Variants in CLCN3 observed in about 807,000 individuals in gnomAD.
CLCN3 encodes Cl-/H+ antiporter 3, also known as H(+)/Cl(-) exchange transporter 3.
A neutral mutation model predicts 83.4 loss-of-function variants in CLCN3; 16 were observed. The ratio of observed to expected loss-of-function variants is 0.19; its 90% confidence interval spans 0.13 to 0.29. The LOEUF (loss-of-function observed/expected upper bound fraction) is 0.29, where lower values mean the gene tolerates loss of function less well. Ranked by LOEUF, CLCN3 falls within the 10% of genes least tolerant of loss-of-function variation. The pLI is 1.00. For missense variants in CLCN3, 544 were observed against 1,006.0 expected (o/e 0.54, Z 6.21); for synonymous variants, 322 against 346.2 (o/e 0.93, Z 0.78).
chr4:169,658,267 A>G (rs1340349152), intron 2 of CLCN3, among the ~76,000 whole-genome samples: 1 of 151,644 alleles, frequency 6.6e-6, no homozygotes, highest in African/African-American at 2.4e-5. Context: ...ACAATTGTTT[A>G]TCTTTAAAAA....
At chr4:169,631,282 C>CT (rs1467952137) in intron 1 of CLCN3, among the ~76,000 whole-genome samples, 1 of 151,776 alleles carries the variant, frequency 6.6e-6, no homozygotes, top group Admixed American at 6.6e-5. Context: ...TCCTTGCCTA[C>CT]TTTTTTTGTT....
intron 2 of CLCN3, among the ~76,000 whole-genome samples, chr4:169,648,915 T>G (rs1412966170): frequency 1.3e-5 from 2 of 151,708 alleles, no homozygotes; most frequent in African/African-American, 4.8e-5. Context: ...TAATCCCAGC[T>G]ACTCGGGAGA....
At chr4:169,680,261 A>G (rs1731885026) in intron 3 of CLCN3, 54 bp downstream of exon 3, 2 of 1,282,246 alleles carry the variant, frequency 1.6e-6, no homozygotes, top group Non-Finnish European at 2.2e-6. Context: ...TAGATCTTTT[A>G]ATAATATATT....
chr4:169,666,633 G>A (rs1731254540), intron 2 of CLCN3, among the ~76,000 whole-genome samples: 1 of 152,160 alleles, frequency 6.6e-6, no homozygotes, highest in South Asian at 2.1e-4. Flanking sequence ...TTTGGGAGAA[G>A]GCATCACGTA....
At position 169,636,152 on chromosome 4, in the gene CLCN3, AT is replaced by A. The variant is rs1773496404; in HGVS notation, c.160+68del. 2.2e-6 allele frequency: 3 copies of A among 1,371,012 alleles called. No individual in the cohort carries two copies. The Admixed American group carries it at 7.0e-5, about 32-fold the overall frequency. 84.9% of individuals were successfully genotyped at this position (1,371,012 alleles called of 1,614,324 possible). ...ATATCCACTAATAAATATGTACACTATTTTATTGAGGTTGAATTTTTCAGTA... is the reference window on the plus strand; with the variant it reads ...ATATCCACTAATAAATATGTACACTATTTATTGAGGTTGAATTTTTCAGTA... On this transcript the variant is annotated intron_variant, in intron 2 of 12. Transcript: ENST00000513761.
At chr4:169,633,045 C>T (rs980806352) in intron 1 of CLCN3, among the ~76,000 whole-genome samples, 5 of 152,180 alleles carry the variant, frequency 3.3e-5, no homozygotes, top group African/African-American at 1.2e-4. Context: ...CAGAGTCTCA[C>T]TCTGTTTCCC....
intron 12 of CLCN3, among the ~76,000 whole-genome samples, chr4:169,719,290 C>T (rs1362512699): frequency 6.6e-6 from 1 of 152,116 alleles, no homozygotes; most frequent in Admixed American, 6.6e-5. Context: ...CATGGTGAAA[C>T]CCTGTCTCTA....
chr4:169,688,424 C>T (rs1732242342), intron 4 of CLCN3, among the ~76,000 whole-genome samples: 1 of 152,124 alleles, frequency 6.6e-6, no homozygotes, highest in South Asian at 2.1e-4. Flanking sequence ...AGATTATGTT[C>T]AGAAGACCAT....
At chr4:169,693,741 A>G (rs1732457176) in intron 7 of CLCN3, among the ~76,000 whole-genome samples, 1 of 152,206 alleles carries the variant, frequency 6.6e-6, no homozygotes, top group Non-Finnish European at 1.5e-5. Context: ...ATTTTTTGGT[A>G]AGACTTTTAC....
intron 1 of CLCN3, among the ~76,000 whole-genome samples, chr4:169,631,017 T>C (rs987522563): frequency 1.3e-5 from 2 of 152,240 alleles, no homozygotes; most frequent in Non-Finnish European, 2.9e-5. Flanking sequence ...TGTTTTAAGT[T>C]CTTTGATAAA....
intron 2 of CLCN3, among the ~76,000 whole-genome samples, chr4:169,656,280 G>A (rs975676591): frequency 3.3e-5 from 5 of 152,176 alleles, no homozygotes; most frequent in Admixed American, 6.5e-5. Flanking sequence ...GAAGCATAGC[G>A]TCTTCTGGGG....
At chr4:169,631,885 C>T (rs1285677882) in intron 1 of CLCN3, among the ~76,000 whole-genome samples, 1 of 152,144 alleles carries the variant, frequency 6.6e-6, no homozygotes, top group African/African-American at 2.4e-5. Flanking sequence ...AATTGAAATC[C>T]TGAACAGACC....
At chr4:169,660,904 G>A (rs763657318) in intron 2 of CLCN3, among the ~76,000 whole-genome samples, 4 of 152,198 alleles carry the variant, frequency 2.6e-5, no homozygotes, top group South Asian at 2.1e-4. Flanking sequence ...TAAATTTATA[G>A]CAAAAGCTTT....
At chr4:169,671,895 G>A (rs966553490) in intron 2 of CLCN3, among the ~76,000 whole-genome samples, 28 of 152,120 alleles carry the variant, frequency 1.8e-4, no homozygotes, top group African/African-American at 6.8e-4. Flanking sequence ...GCTGATCCAA[G>A]GCAAATCCTG....
intron 2 of CLCN3, among the ~76,000 whole-genome samples, chr4:169,647,314 T>A (rs1442953104): frequency 1.3e-5 from 2 of 152,024 alleles, no homozygotes; most frequent in Non-Finnish European, 2.9e-5. Flanking sequence ...CACTTGAGCC[T>A]GGGGAGGTCA....
At position 169,653,457 on chromosome 4, in the gene CLCN3, T is replaced by C. The variant is rs371264812; in HGVS notation, c.160+17369T>C. On this transcript the variant is annotated intron_variant, in intron 2 of 12. Transcript: ENST00000513761. ...GAATTAGAAACCAGCCTGGCCAATA[T>C]GATAAAACCCTGTCTCTACTAAAAA... Among the ~76,000 whole-genome samples the C allele has an allele frequency of 3.3e-5, 5 of 151,790 alleles. No individual in the cohort carries two copies. In the East Asian group the frequency reaches 7.8e-4, roughly 24 times the overall value.
At chr4:169,622,087 C>G (rs1341878221) in intron 1 of CLCN3, among the ~76,000 whole-genome samples, 1 of 152,150 alleles carries the variant, frequency 6.6e-6, no homozygotes. Context: ...AGATTGCATA[C>G]CCTTCCCACC....
intron 9 of CLCN3, among the ~76,000 whole-genome samples, chr4:169,703,234 C>T (rs1732865397): frequency 6.6e-6 from 1 of 152,222 alleles, no homozygotes; most frequent in African/African-American, 2.4e-5. Flanking sequence ...TGCTGATGGA[C>T]TAGCTTGATG....
chr4:169,675,952 T>C (rs1326436103), intron 2 of CLCN3, among the ~76,000 whole-genome samples: 1 of 152,210 alleles, frequency 6.6e-6, no homozygotes, highest in African/African-American at 2.4e-5. Flanking sequence ...ATGAAAATAC[T>C]GTGTGTGTGC....
Sources: allele counts gnomAD v4.1 joint callset (sites outside exome capture counted in the v4.1 genomes callset), GRCh38; gene constraint gnomAD v4.1.1; transcripts MANE v1.5; gene names NCBI Gene and HGNC (gene_info 2026-07-23, HGNC 2026-07-21).